The following CCDC85A variants were observed in gnomAD, a reference collection of about 807,000 sequenced individuals.
CCDC85A encodes the protein coiled-coil domain containing 85A, also known as coiled-coil domain-containing protein 85A.
A neutral mutation model predicts 50.2 loss-of-function variants in CCDC85A; 38 were observed. The observed-to-expected ratio is 0.76, with a 90% CI of 0.58 to 0.99. CCDC85A has a LOEUF of 0.99. CCDC85A is among the 50% of genes least tolerant of loss of function. CCDC85A has a pLI of 0.00. For synonymous variants in CCDC85A, 366 were observed against 301.4 expected (o/e 1.21, Z -2.22); for missense variants, 820 against 742.0 (o/e 1.11, Z -1.22).
chr2:56,268,411 G>A (rs1047317592), intron 2 of CCDC85A, among the ~76,000 whole-genome samples: 3 of 151,888 alleles, frequency 2.0e-5, no homozygotes, highest in Admixed American at 6.6e-5. Flanking sequence ...TGGCTAACAC[G>A]GCTGAAACCC....
intron 2 of CCDC85A, among the ~76,000 whole-genome samples, chr2:56,307,940 C>T (rs1672516793): frequency 1.3e-5 from 2 of 152,182 alleles, no homozygotes; most frequent in African/African-American, 2.4e-5. Context: ...TTTCTGAACA[C>T]AGCTATGATG....
At chr2:56,203,802 C>T in intron 2 of CCDC85A, among the ~76,000 whole-genome samples, 1 of 152,116 alleles carries the variant, frequency 6.6e-6, no homozygotes, top group East Asian at 1.9e-4. Flanking sequence ...TAGATAAATT[C>T]TATTTTAATT....
chr2:56,265,767 C>G (rs1010500841), intron 2 of CCDC85A, among the ~76,000 whole-genome samples: 4 of 152,074 alleles, frequency 2.6e-5, no homozygotes, highest in Non-Finnish European at 4.4e-5. Flanking sequence ...TGGAATCACC[C>G]TTTGATCCAG....
chr2:56,207,752 C>A (rs759365384), intron 2 of CCDC85A, among the ~76,000 whole-genome samples: 1 of 152,178 alleles, frequency 6.6e-6, no homozygotes, highest in East Asian at 1.9e-4. Context: ...GTAAAGGAAA[C>A]AAAATATAAA....
intron 2 of CCDC85A, among the ~76,000 whole-genome samples, chr2:56,215,280 G>C (rs1434760331): frequency 6.6e-6 from 1 of 151,848 alleles, no homozygotes; most frequent in South Asian, 2.1e-4. Flanking sequence ...GTTGTTGGCG[G>C]CTTGTTTTTT....
rs565732166 is a variant in CCDC85A at position 56,260,058 on chromosome 2, C to G, written c.1240+66618C>G. ...CATGGTAGTGAGTTTAGCACCCAAA[C>G]TAGCATTTAAGACAATAAAAGAGAA... On this transcript the variant is annotated intron_variant, in intron 2 of 5. Coordinates refer to ENST00000407595, the MANE Select transcript of CCDC85A (RefSeq NM_001080433.2). Among the ~76,000 whole-genome samples, 6 of 152,266 alleles carry G rather than the reference C, an allele frequency of 3.9e-5. No individual in the cohort carries two copies. In the South Asian group the frequency reaches 8.3e-4, roughly 21 times the overall value.
intron 2 of CCDC85A, among the ~76,000 whole-genome samples, chr2:56,316,917 T>C (rs949698091): frequency 6.6e-6 from 1 of 152,150 alleles, no homozygotes; most frequent in African/African-American, 2.4e-5. Flanking sequence ...AAAAAATGTC[T>C]TTTTCTTTTT....
intron 2 of CCDC85A, among the ~76,000 whole-genome samples, chr2:56,236,217 A>G (rs146389771): frequency 3.9e-5 from 6 of 152,354 alleles, no homozygotes; most frequent in Middle Eastern, 3.4e-3. Context: ...AGTACCTGGT[A>G]CCTAGTGAGC....
At chr2:56,216,354 T>G (rs1287094096) in intron 2 of CCDC85A, among the ~76,000 whole-genome samples, 1 of 151,816 alleles carries the variant, frequency 6.6e-6, no homozygotes, top group Non-Finnish European at 1.5e-5. Flanking sequence ...AGCTCCTTAT[T>G]GTTCTATGTC....
chr2:56,243,402 A>C (rs1669353792), intron 2 of CCDC85A, among the ~76,000 whole-genome samples: 1 of 151,872 alleles, frequency 6.6e-6, no homozygotes, highest in African/African-American at 2.4e-5. Context: ...CTCCTTGATC[A>C]ATTCTGCTAT....
chr2:56,344,809 C>A (rs543779194), intron 3 of CCDC85A, among the ~76,000 whole-genome samples: 22 of 151,746 alleles, frequency 1.4e-4, no homozygotes, highest in Admixed American at 5.3e-4. Flanking sequence ...ATCTCTCAGG[C>A]GACTGGGAAT....
At chr2:56,332,016 T>G (rs1036636986) in intron 2 of CCDC85A, among the ~76,000 whole-genome samples, 2 of 152,210 alleles carry the variant, frequency 1.3e-5, no homozygotes, top group African/African-American at 4.8e-5. Flanking sequence ...CGCCGTGCAT[T>G]GCACACAGCT....
chr2:56,289,333 A>G (rs141820241), intron 2 of CCDC85A, among the ~76,000 whole-genome samples: 64 of 152,278 alleles, frequency 4.2e-4, no homozygotes, highest in African/African-American at 1.4e-3. Context: ...AAGAAAATAG[A>G]TCATCCAACA....
chr2:56,245,872 T>C (rs916496938), intron 2 of CCDC85A, among the ~76,000 whole-genome samples: 2 of 152,212 alleles, frequency 1.3e-5, no homozygotes, highest in Admixed American at 1.3e-4. Flanking sequence ...CCAAATGCCA[T>C]CTCCTTGATC....
chr2:56,225,988 A>G (rs1668525864), intron 2 of CCDC85A, among the ~76,000 whole-genome samples: 1 of 152,208 alleles, frequency 6.6e-6, no homozygotes, highest in Non-Finnish European at 1.5e-5. Flanking sequence ...TTTCCTGCTC[A>G]ACACATTGGA....
At chr2:56,193,960 C>T (rs528121506) in intron 2 of CCDC85A, among the ~76,000 whole-genome samples, 2 of 152,248 alleles carry the variant, frequency 1.3e-5, no homozygotes, top group South Asian at 4.1e-4. Context: ...GCTGGTCTGC[C>T]CAAATGGCTA....
At chr2:56,206,314 T>C (rs548791477) in intron 2 of CCDC85A, among the ~76,000 whole-genome samples, 1 of 152,334 alleles carries the variant, frequency 6.6e-6, no homozygotes, top group East Asian at 1.9e-4. Flanking sequence ...TAAATTGAAC[T>C]CCAAGTTGAA....
At chr2:56,377,850 T>C (rs1488369609) in intron 5 of CCDC85A, among the ~76,000 whole-genome samples, 2 of 150,342 alleles carry the variant, frequency 1.3e-5, no homozygotes, top group Non-Finnish European at 2.9e-5. Context: ...ATCGTGCCAT[T>C]GCACTCCAGC....
At chr2:56,279,514 TA>T (rs1197843706) in intron 2 of CCDC85A, among the ~76,000 whole-genome samples, 1 of 152,170 alleles carries the variant, frequency 6.6e-6, no homozygotes. Flanking sequence ...TTCTGCAATG[TA>T]AAAAATATTT....
Sources: gnomAD v4.1 joint callset for allele counts (sites outside exome capture counted in the v4.1 genomes callset) on GRCh38, gnomAD v4.1.1 for gene constraint, MANE v1.5 for transcripts, NCBI Gene and HGNC (gene_info 2026-07-23, HGNC 2026-07-21) for gene names.